Variants in STXBP5 observed in about 807,000 individuals in gnomAD.
The protein encoded by STXBP5 is syntaxin binding protein 5.
In STXBP5, 50 loss-of-function variants were observed where a neutral mutation model predicts 152.4. The observed-to-expected ratio is 0.33, with a 90% confidence interval of 0.26 to 0.42. STXBP5 has a LOEUF of 0.42. Ranked by LOEUF, STXBP5 falls within the 10% of genes least tolerant of loss-of-function variation. The pLI, the probability that STXBP5 is intolerant of heterozygous loss-of-function variation, is 1.00. For synonymous variants in STXBP5, 492 were observed against 494.7 expected, an observed-to-expected ratio of 0.99 and a Z score of 0.07; for missense variants, 1,167 against 1,388.6, an observed-to-expected ratio of 0.84 and a Z score of 2.54.
chr6:147,333,105 G>GCA (rs1391390022), intron 18 of STXBP5, among the ~76,000 whole-genome samples: 1 of 152,142 alleles, frequency 6.6e-6, no homozygotes, highest in Admixed American at 6.5e-5. Context: ...AAGAGTACAT[G>GCA]TATATAAACA....
At chr6:147,370,237 T>G (rs1785478135) in intron 25 of STXBP5, among the ~76,000 whole-genome samples, 2 of 152,044 alleles carry the variant, frequency 1.3e-5, no homozygotes, top group Non-Finnish European at 2.9e-5. Context: ...GATATGGGGT[T>G]GTTAAAGAAG....
intron 3 of STXBP5, among the ~76,000 whole-genome samples, chr6:147,238,237 G>C (rs1256151359): frequency 1.3e-5 from 2 of 152,168 alleles, no homozygotes; most frequent in Non-Finnish European, 2.9e-5. Context: ...AGGGTCTCAT[G>C]CTGCCTCATA....
intron 2 of STXBP5, among the ~76,000 whole-genome samples, chr6:147,212,241 T>A (rs1291218746): frequency 1.3e-5 from 2 of 152,204 alleles, no homozygotes; most frequent in African/African-American, 4.8e-5. Context: ...GAAAAGAATA[T>A]GTTAACTATT....
intron 4 of STXBP5, among the ~76,000 whole-genome samples, chr6:147,239,954 T>G (rs1778455803): frequency 6.6e-6 from 1 of 152,004 alleles, no homozygotes; most frequent in South Asian, 2.1e-4. Flanking sequence ...CTTTTTTTTT[T>G]TTTTCTGAGA....
intron 9 of STXBP5, among the ~76,000 whole-genome samples, chr6:147,298,369 G>A (rs1781637956): frequency 6.6e-6 from 1 of 152,052 alleles, no homozygotes; most frequent in African/African-American, 2.4e-5. Context: ...GAGAGAAACT[G>A]CAGTAGGTAA....
chr6:147,266,999 G>T, intron 6 of STXBP5, 85 bp from the exon 7 acceptor site: 1 of 1,085,332 alleles, frequency 9.2e-7, no homozygotes, highest in South Asian at 1.3e-5. Context: ...GCATTTGAAT[G>T]ATAGTAGTTA....
intron 9 of STXBP5, 34 bp from the exon 10 acceptor site, chr6:147,310,050 C>T: frequency 2.9e-6 from 4 of 1,372,780 alleles, no homozygotes; most frequent in Non-Finnish European, 3.9e-6. Flanking sequence ...CTTTACTATG[C>T]CATTAATAAT....
chr6:147,263,400 T>C (rs564473137), intron 6 of STXBP5, among the ~76,000 whole-genome samples: 2 of 149,880 alleles, frequency 1.3e-5, no homozygotes, highest in African/African-American at 4.9e-5. Context: ...CTATGTTGCC[T>C]AAGCCAGTCT....
intron 23 of STXBP5, among the ~76,000 whole-genome samples, chr6:147,361,193 T>G (rs910588798): frequency 3.9e-5 from 6 of 152,110 alleles, no homozygotes; most frequent in African/African-American, 1.2e-4. Context: ...TTATTTTCAT[T>G]TTTTTACTGA....
intron 26 of STXBP5, among the ~76,000 whole-genome samples, chr6:147,381,297 G>A (rs1786073420): frequency 6.6e-6 from 1 of 152,112 alleles, no homozygotes; most frequent in South Asian, 2.1e-4. Flanking sequence ...AACATCATTT[G>A]TCATTAGGGA....
At position 147,339,355 on chromosome 6, in the gene STXBP5, A is replaced by G. The variant is rs1783986373; in HGVS notation, c.2225A>G (p.Lys742Arg). 8 of 1,500,308 alleles carry G rather than the reference A, an allele frequency of 5.3e-6. No individual in the cohort carries two copies. The highest frequency in any genetic ancestry group is 1.4e-5 in the African/African-American group (1 of 69,462). The allele number at this position is 1,500,308 out of a possible 1,614,324, so 92.9% of individuals were successfully genotyped here. The change falls in exon 21 of 28, where the codon AAG becomes AGG. Residue 742 changes from lysine to arginine, a missense_variant. Transcript: ENST00000321680. The part of the protein sequence containing the change: ...FIEKVKTKSR[K>R]FSKMVANDIA... ...TTTTCAGTGAAGACCAAAAGCAGAA[A>G]GTTTTCCAAGATGGTAGCCAATGAT... is the stretch of plus-strand genomic sequence containing the variant.
At chr6:147,352,209 TTTTG>T (rs1289192596) in intron 21 of STXBP5, among the ~76,000 whole-genome samples, 1 of 152,248 alleles carries the variant, frequency 6.6e-6, no homozygotes. Flanking sequence ...CATGATCTTA[TTTTG>T]TTTTTCACTA....
chr6:147,359,062 A>C, intron 22 of STXBP5, 22 bp from the exon 23 acceptor site: 1 of 1,603,862 alleles, frequency 6.2e-7, no homozygotes, highest in East Asian at 2.2e-5. Context: ...GAGCAATCTC[A>C]CAACATTTTT....
chr6:147,363,806 T>C (rs562367060), intron 24 of STXBP5, 102 bp downstream of exon 24: 1 of 1,473,176 alleles, frequency 6.8e-7, no homozygotes, highest in South Asian at 1.4e-5. Flanking sequence ...TGTATAGTCT[T>C]ATACTCTGAG....
chr6:147,335,012 G>T (rs1783756933), intron 19 of STXBP5, among the ~76,000 whole-genome samples: 1 of 152,030 alleles, frequency 6.6e-6, no homozygotes, highest in South Asian at 2.1e-4. Flanking sequence ...ACATTTTAGT[G>T]TAATATTTTA....
chr6:147,269,700 A>T (rs1403823243), intron 7 of STXBP5, among the ~76,000 whole-genome samples: 1 of 152,170 alleles, frequency 6.6e-6, no homozygotes, highest in African/African-American at 2.4e-5. Flanking sequence ...TTACAGATGA[A>T]TGATAAAATA....
chr6:147,325,937 T>C lies in STXBP5; in HGVS notation c.1928+853T>C, dbSNP rs1783229521. ...AAATTTTTAAATACAATATAAAAAC[T>C]ATATAGCATTTCCATTGTATTAGGT... On this transcript the variant is annotated intron_variant, in intron 17 of 27. Transcript: ENST00000321680. Among the ~76,000 whole-genome samples, 2 of 152,236 alleles carry C rather than the reference T, an allele frequency of 1.3e-5. 1 individual carries two copies. Among genetic ancestry groups the C allele is most frequent in the South Asian group, 4.1e-4 (2 of 4,834 alleles).
At chr6:147,351,012 C>T (rs1002474591) in intron 21 of STXBP5, among the ~76,000 whole-genome samples, 1 of 152,138 alleles carries the variant, frequency 6.6e-6, no homozygotes, top group Non-Finnish European at 1.5e-5. Context: ...TATTCTTCCA[C>T]GTTTATTGAG....
chr6:147,286,730 A>C (rs1429148555), intron 8 of STXBP5, among the ~76,000 whole-genome samples: 1 of 152,162 alleles, frequency 6.6e-6, no homozygotes, highest in African/African-American at 2.4e-5. Flanking sequence ...GGGAGGGACC[A>C]AAAAGACGGA....
Sources: allele counts gnomAD v4.1 joint callset (sites outside exome capture counted in the v4.1 genomes callset), GRCh38; gene constraint gnomAD v4.1.1; transcripts MANE v1.5; gene names NCBI Gene and HGNC (gene_info 2026-07-23, HGNC 2026-07-21).